ACAD9: variants seen among roughly 807,000 people sequenced by gnomAD.
The protein encoded by ACAD9 is acyl-CoA dehydrogenase family member 9.
Under a neutral mutation model 70.2 loss-of-function variants are expected in ACAD9, and 53 were observed. That is an observed-to-expected ratio of 0.75 (90% CI 0.61 to 0.95). The LOEUF (loss-of-function observed/expected upper bound fraction) is 0.95. ACAD9 is among the 40% of genes least tolerant of loss of function. ACAD9 has a pLI of 0.00. For missense variants in ACAD9, 777 were observed against 802.8 expected (o/e 0.97, Z 0.39); for synonymous variants, 313 against 312.1 (o/e 1.00, Z -0.03).
intron 14 of ACAD9, 112 bp from the exon 15 acceptor site, chr3:128,909,232 A>AC (rs1328476817): frequency 1.3e-5 from 20 of 1,594,662 alleles, no homozygotes; most frequent in Non-Finnish European, 1.6e-5. Context: ...AGTCCATGAC[A>AC]CCCTGGATTG....
rs749230075 is a variant in ACAD9 at position 128,908,273 on chromosome 3, C to T, written c.1358+9C>T. On this transcript the variant is annotated intron_variant, in intron 13 of 17. Transcript: ENST00000308982. ...CTGACTACCAGGATCCAGTAGGTGC[C>T]ATTGTCACCGTGTGCTTCTCAGGTC... 1.2e-6 allele frequency: 2 copies of T among 1,614,098 alleles called. No homozygotes were observed. Among genetic ancestry groups the T allele is most frequent in the Admixed American group, 3.3e-5 (2 of 60,022 alleles).
At chr3:128,901,523 TAGA>T (rs1045293383) in intron 8 of ACAD9, among the ~76,000 whole-genome samples, 174 bp downstream of exon 8, 2 of 152,216 alleles carry the variant, frequency 1.3e-5, no homozygotes, top group Non-Finnish European at 2.9e-5. Context: ...GGCTGGCTCC[TAGA>T]AGAAGTGTAT....
intron 1 of ACAD9, among the ~76,000 whole-genome samples, chr3:128,880,384 G>A (rs932039900): frequency 6.6e-6 from 1 of 152,146 alleles, no homozygotes; most frequent in East Asian, 1.9e-4. Context: ...GGAAGACTTG[G>A]GTTTGGTCTT....
Position 128,908,996 on chromosome 3 carries a change from G to A in ACAD9, c.1382G>A (p.Ser461Asn). 1.2e-6 allele frequency: 2 copies of A among 1,614,202 alleles called. No homozygotes were observed. The highest frequency in any genetic ancestry group is 1.1e-5 in the South Asian group (1 of 91,092). Residue 461 changes from serine (S) to asparagine (N), a missense_variant, in exon 14 of 18, where the codon AGC (serine) becomes AAC (asparagine). By Grantham distance (46) the Ser-to-Asn change is conservative. Coordinates refer to ENST00000308982, the MANE Select transcript of ACAD9 (RefSeq NM_014049.5). ...RIHELKQAKVSTVMDTVGRRL... is the reference protein window; with the variant it reads ...RIHELKQAKVNTVMDTVGRRL... ...AGTGAGCTTAAACAGGCCAAAGTGA[G>A]CACAGTCATGGATACCGTTGGCCGG...
chr3:128,892,283 T>C lies in ACAD9; in HGVS notation c.245-1272T>C, dbSNP rs578249733. Among the ~76,000 whole-genome samples the C allele has an allele frequency of 3.0e-4, 45 of 152,376 alleles. No homozygotes were observed. In the South Asian group the frequency reaches 8.9e-3, roughly 30 times the overall value. Reference sequence around the variant, plus strand: ...CAGGTTATTCTTCGCCAATTATGTATGTCAATAAAGTTGTTAAAGGATAAA... The same window carrying C: ...CAGGTTATTCTTCGCCAATTATGTACGTCAATAAAGTTGTTAAAGGATAAA... On this transcript the variant is annotated intron_variant, in intron 2 of 17. Transcript: ENST00000308982.
chr3:128,883,450 C>T (rs1374134494), intron 1 of ACAD9, among the ~76,000 whole-genome samples: 2 of 151,990 alleles, frequency 1.3e-5, no homozygotes, highest in Non-Finnish European at 2.9e-5. Flanking sequence ...CTCCACCTCC[C>T]GGGTTCAAGC....
intron 5 of ACAD9, among the ~76,000 whole-genome samples, chr3:128,896,941 ACT>A (rs1935585565): frequency 6.6e-6 from 1 of 151,978 alleles, no homozygotes; most frequent in Non-Finnish European, 1.5e-5. Flanking sequence ...AGCACTCGGG[ACT>A]CTGATGATAA....
intron 2 of ACAD9, among the ~76,000 whole-genome samples, chr3:128,887,852 C>T (rs1463994704): frequency 6.6e-6 from 1 of 152,014 alleles, no homozygotes; most frequent in East Asian, 1.9e-4. Flanking sequence ...ATTTCATGTA[C>T]ATTCAAAGAG....
intron 14 of ACAD9, 95 bp from the exon 15 acceptor site, chr3:128,909,249 C>T: frequency 6.3e-7 from 1 of 1,598,644 alleles, no homozygotes; most frequent in South Asian, 1.1e-5. Context: ...ATTGCTTCCC[C>T]CAGATGGGGC....
chr3:128,910,752 C>T lies in ACAD9; in HGVS notation c.1704C>T (p.Ala568=), dbSNP rs1398463636. The change falls in exon 17 of 18, where the codon GCC becomes GCT. Residue 568 remains alanine (A), a synonymous_variant. Transcript: ENST00000308982. ...LRNHDHEVLL[A]NTFCVEAYLQ... ...CTCGGTTCTGGCAGGTTCTCTTGGC[C>T]AACACCTTCTGCGTGGAAGCTTACT... is the stretch of plus-strand genomic sequence containing the variant. The T allele has an allele frequency of 2.5e-6, 4 of 1,614,198 alleles. No individual in the cohort carries two copies. The South Asian group carries it at 4.4e-5, about 18-fold the overall frequency.
intron 6 of ACAD9, chr3:128,898,283 C>T: frequency 2.7e-6 from 1 of 365,002 alleles, no homozygotes; most frequent in Admixed American, 3.7e-5. Context: ...GCAGCATCGC[C>T]ACCTCCAGAT....
intron 1 of ACAD9, among the ~76,000 whole-genome samples, chr3:128,880,309 A>G (rs557890443): frequency 3.3e-5 from 5 of 152,292 alleles, no homozygotes; most frequent in Admixed American, 3.3e-4. Flanking sequence ...ATGCTTCCCA[A>G]GGGTGGCACA....
intron 15 of ACAD9, 127 bp from the exon 16 acceptor site, chr3:128,909,894 G>GTGTT: frequency 1.5e-6 from 2 of 1,296,204 alleles, no homozygotes; most frequent in Non-Finnish European, 2.2e-6. Flanking sequence ...GAAGAGAAAG[G>GTGTT]TGTTATTGAC....
intron 9 of ACAD9, among the ~76,000 whole-genome samples, chr3:128,903,479 C>A (rs1033594373): frequency 6.6e-6 from 1 of 152,216 alleles, no homozygotes; most frequent in Non-Finnish European, 1.5e-5. Context: ...CCTGAGTGCA[C>A]CACACCTGGG....
chr3:128,907,166 T>C (rs1404895364), intron 12 of ACAD9, among the ~76,000 whole-genome samples: 1 of 152,134 alleles, frequency 6.6e-6, no homozygotes, highest in East Asian at 1.9e-4. Flanking sequence ...GGTCTGGTGA[T>C]GAGAGGCATC....
At chr3:128,912,464 C>G in intron 17 of ACAD9, 43 bp from the exon 18 acceptor site, 1 of 1,557,248 alleles carries the variant, frequency 6.4e-7, no homozygotes, top group Non-Finnish European at 8.9e-7. Context: ...TGTCTTATCA[C>G]GGTGCAGAAA....
intron 5 of ACAD9, 55 bp from the exon 6 acceptor site, chr3:128,897,577 G>C: frequency 6.5e-7 from 1 of 1,541,154 alleles, no homozygotes; most frequent in Non-Finnish European, 8.9e-7. Flanking sequence ...GCCCTCAAAA[G>C]CATTCATATT....
intron 2 of ACAD9, among the ~76,000 whole-genome samples, chr3:128,888,588 TA>T: frequency 6.6e-6 from 1 of 151,928 alleles, no homozygotes; most frequent in South Asian, 2.1e-4. Flanking sequence ...CAAAAAAAAA[TA>T]AAAACTAGTT....
intron 5 of ACAD9, among the ~76,000 whole-genome samples, chr3:128,897,061 G>C (rs1015042812): frequency 6.6e-6 from 1 of 152,192 alleles, no homozygotes; most frequent in Non-Finnish European, 1.5e-5. Flanking sequence ...CCTCAGATGA[G>C]CCCATTGCAA....
Sources: allele counts gnomAD v4.1 joint callset (sites outside exome capture counted in the v4.1 genomes callset), GRCh38; gene constraint gnomAD v4.1.1; transcripts MANE v1.5; gene names NCBI Gene and HGNC (gene_info 2026-07-23, HGNC 2026-07-21).